Variants in LPP observed in about 807,000 individuals in gnomAD.
LPP encodes lipoma-preferred partner.
LPP carries 38 observed loss-of-function variants against 60.4 expected under a neutral mutation model. The observed-to-expected ratio is 0.63, with a 90% CI of 0.49 to 0.83. LPP has a LOEUF of 0.83. LPP is among the 40% of genes least tolerant of loss of function. The probability of loss-of-function intolerance (pLI) is 0.00; values close to 1 mark genes in which losing one functional copy is unlikely to be tolerated. For synonymous variants in LPP, 328 were observed against 290.8 expected (o/e 1.13, Z -1.30); for missense variants, 902 against 783.6 (o/e 1.15, Z -1.80).
chr3:188,268,322 A>G (rs1163344404), intron 2 of LPP, among the ~76,000 whole-genome samples: 1 of 151,768 alleles, frequency 6.6e-6, no homozygotes, highest in Non-Finnish European at 1.5e-5. Context: ...AAAACAAAAA[A>G]CAACCCCCAA....
chr3:188,687,658 T>C (rs1305152210), intron 7 of LPP, among the ~76,000 whole-genome samples: 8 of 152,164 alleles, frequency 5.3e-5, no homozygotes, highest in African/African-American at 7.2e-5. Context: ...AAGTTTTTTA[T>C]AGCAGTGTGA....
In LPP at chr3:188,677,073, A is replaced by G. The variant is rs1560050383; in HGVS notation, c.1114-31194A>G. Among the ~76,000 whole-genome samples, 4 of 152,250 alleles carry G rather than the reference A, an allele frequency of 2.6e-5. No individual in the cohort carries two copies. The East Asian group carries it at 5.8e-4, about 22-fold the overall frequency. On this transcript the variant is annotated intron_variant, in intron 7 of 11. Transcript: ENST00000617246. Reference sequence around the variant, plus strand: ...ACCGACTGTTGACGACAATCATGCAAACTTGAAAGCAGATCCTTCCCCAGT... The same window carrying G: ...ACCGACTGTTGACGACAATCATGCAGACTTGAAAGCAGATCCTTCCCCAGT...
intron 6 of LPP, among the ~76,000 whole-genome samples, chr3:188,539,596 A>G (rs909176536): frequency 6.6e-6 from 1 of 152,104 alleles, no homozygotes; most frequent in Admixed American, 6.6e-5. Flanking sequence ...TTGAAATGAC[A>G]CTCTGGTATT....
rs188058515 is a variant in LPP at position 188,405,382 on chromosome 3, G to A, written c.-9-730G>A. Among the ~76,000 whole-genome samples, 268 of 152,280 alleles carry A rather than the reference G, an allele frequency of 1.8e-3. 2 individuals carry two copies. Among genetic ancestry groups the A allele is most frequent in the Admixed American group, 5.2e-3 (80 of 15,298 alleles). ...TAAACTCAACTGTGGCTGCTGAGCT[G>A]TCTGTGCTTTGGTTTCAACCCACCT... On this transcript the variant is annotated intron_variant, in intron 3 of 11. Coordinates refer to ENST00000617246, the MANE Select transcript of LPP (RefSeq NM_001375462.1).
chr3:188,224,746 T>C (rs1717104974), intron 1 of LPP, among the ~76,000 whole-genome samples: 1 of 151,984 alleles, frequency 6.6e-6, no homozygotes, highest in South Asian at 2.1e-4. Flanking sequence ...CCACACACTT[T>C]TAAATGACCA....
At chr3:188,342,810 T>TAA (rs1387477486) in intron 3 of LPP, among the ~76,000 whole-genome samples, 3 of 152,250 alleles carry the variant, frequency 2.0e-5, no homozygotes, top group East Asian at 3.9e-4. Context: ...CATATATATA[T>TAA]AATAAGAACA....
intron 7 of LPP, among the ~76,000 whole-genome samples, chr3:188,681,458 C>G (rs746509876): frequency 8.5e-5 from 13 of 152,180 alleles, no homozygotes; most frequent in Non-Finnish European, 1.9e-4. Flanking sequence ...ATGTTCATAG[C>G]ATTTGATCTA....
intron 9 of LPP, among the ~76,000 whole-genome samples, chr3:188,861,860 G>A (rs953537696): frequency 4.3e-4 from 61 of 141,830 alleles, no homozygotes; most frequent in African/African-American, 1.5e-3. Context: ...GTGACTTTTA[G>A]CAACAGAATC....
At chr3:188,797,411 A>T (rs1379443867) in intron 9 of LPP, among the ~76,000 whole-genome samples, 1 of 152,214 alleles carries the variant, frequency 6.6e-6, no homozygotes, top group Admixed American at 6.5e-5. Flanking sequence ...CATCCTGCCC[A>T]TGCTGCCTAA....
At chr3:188,368,005 T>C (rs1373454142) in intron 3 of LPP, among the ~76,000 whole-genome samples, 1 of 152,206 alleles carries the variant, frequency 6.6e-6, no homozygotes, top group East Asian at 1.9e-4. Context: ...TGGGCTAAAC[T>C]GTAGACCTCC....
At chr3:188,717,184 T>C (rs555451379) in intron 8 of LPP, among the ~76,000 whole-genome samples, 7 of 152,216 alleles carry the variant, frequency 4.6e-5, no homozygotes, top group Non-Finnish European at 8.8e-5. Flanking sequence ...GACTTTAAAT[T>C]CTTTTCACTT....
chr3:188,825,167 G>A (rs770475516), intron 9 of LPP, among the ~76,000 whole-genome samples: 5 of 152,110 alleles, frequency 3.3e-5, no homozygotes, highest in Middle Eastern at 6.8e-3. Context: ...GTTTTTAAAT[G>A]TCATTATGGT....
At chr3:188,732,177 T>C (rs1222572213) in intron 8 of LPP, among the ~76,000 whole-genome samples, 1 of 152,220 alleles carries the variant, frequency 6.6e-6, no homozygotes, top group African/African-American at 2.4e-5. Context: ...GGAAAGGACA[T>C]GTTTGTCAAA....
At chr3:188,700,494 T>G (rs1227586670) in intron 7 of LPP, among the ~76,000 whole-genome samples, 1 of 152,222 alleles carries the variant, frequency 6.6e-6, no homozygotes, top group Admixed American at 6.5e-5. Flanking sequence ...CATTTGCACC[T>G]TAGTGCGGGC....
At chr3:188,325,033 T>A (rs567229049) in intron 2 of LPP, among the ~76,000 whole-genome samples, 80 of 152,002 alleles carry the variant, frequency 5.3e-4, no homozygotes, top group African/African-American at 1.8e-3. Flanking sequence ...CAGGCTGGAG[T>A]GCGATGGTGC....
intron 2 of LPP, among the ~76,000 whole-genome samples, chr3:188,263,863 G>C (rs779191160): frequency 6.6e-5 from 10 of 152,164 alleles, no homozygotes; most frequent in Admixed American, 6.5e-4. Context: ...AACTGTTGGC[G>C]TTCTCATTTT....
chr3:188,754,087 T>A (rs1729311792), intron 8 of LPP, among the ~76,000 whole-genome samples: 1 of 152,068 alleles, frequency 6.6e-6, no homozygotes, highest in Admixed American at 6.5e-5. Context: ...TGATATGTGA[T>A]ATCTTACTTT....
chr3:188,753,457 C>T (rs1431385326), intron 8 of LPP, among the ~76,000 whole-genome samples: 2 of 152,062 alleles, frequency 1.3e-5, no homozygotes, highest in African/African-American at 4.8e-5. Flanking sequence ...TTTATAACAA[C>T]TTCCCCTTGC....
At chr3:188,839,657 G>A (rs921648075) in intron 9 of LPP, among the ~76,000 whole-genome samples, 3 of 151,972 alleles carry the variant, frequency 2.0e-5, no homozygotes, top group East Asian at 1.9e-4. Flanking sequence ...GACAGATTAC[G>A]AAGTCAGGAG....
Sources: allele counts gnomAD v4.1 joint callset (sites outside exome capture counted in the v4.1 genomes callset), GRCh38; gene constraint gnomAD v4.1.1; transcripts MANE v1.5; gene names NCBI Gene and HGNC (gene_info 2026-07-23, HGNC 2026-07-21).